Variants in CHD9 observed in about 807,000 individuals in gnomAD.
The protein encoded by CHD9 is chromodomain helicase DNA binding protein 9.
CHD9 carries 77 observed loss-of-function variants against 316.1 expected under a neutral mutation model. The ratio of observed to expected loss-of-function variants is 0.24; its 90% CI spans 0.20 to 0.29. The LOEUF is 0.29. Ranked by LOEUF, CHD9 falls within the 10% of genes least tolerant of loss-of-function variation. CHD9 has a pLI of 1.00. For synonymous variants in CHD9, 1,129 were observed against 1,158.3 expected, an observed-to-expected ratio of 0.97 and a Z score of 0.51; for missense variants, 2,763 against 3,438.1, an observed-to-expected ratio of 0.80 and a Z score of 4.91.
intron 10 of CHD9, among the ~76,000 whole-genome samples, chr16:53,234,011 A>G (rs375163462): frequency 2.0e-5 from 3 of 152,288 alleles, no homozygotes; most frequent in South Asian, 4.1e-4. Flanking sequence ...TATGTCTTAT[A>G]TATCTATATA....
chr16:53,245,551 A>G lies in CHD9; in HGVS notation c.3199-44A>G. 3 of 1,535,370 alleles carry G rather than the reference A, an allele frequency of 2.0e-6. No homozygotes were observed. Among genetic ancestry groups the G allele is most frequent in the Non-Finnish European group, 2.6e-6 (3 of 1,145,508 alleles). Reference sequence around the variant, plus strand: ...TGTAATTATTTTGTATGTGTAATTAAATGCTCACTTATGTTATATGTCTTT... The same window carrying G: ...TGTAATTATTTTGTATGTGTAATTAGATGCTCACTTATGTTATATGTCTTT... On this transcript the variant is annotated intron_variant, in intron 14 of 38. Coordinates refer to ENST00000447540, the MANE Select transcript of CHD9 (RefSeq NM_001308319.2). The surrounding 1 kb of genome is among the most constrained non-coding windows in gnomAD (Gnocchi z 4.1).
Position 53,058,411 on chromosome 16 carries a change from A to C in CHD9, c.-165+3334A>C, listed in dbSNP as rs566229388. Among the ~76,000 whole-genome samples the C allele has an allele frequency of 9.3e-4, 142 of 152,328 alleles. 2 individuals carry two copies. The highest frequency in any genetic ancestry group is 3.3e-3 in the African/African-American group (137 of 41,582). ...TAGGATTACAGGCTCAAGCCACAGC[A>C]CCTGGCCTATAAGGTATCTTTAAAC... is the stretch of plus-strand genomic sequence containing the variant. On this transcript the variant is annotated intron_variant, in intron 1 of 38. Coordinates refer to ENST00000447540, the MANE Select transcript of CHD9 (RefSeq NM_001308319.2).
intron 4 of CHD9, among the ~76,000 whole-genome samples, chr16:53,223,095 T>C (rs1372935511): frequency 6.6e-6 from 1 of 152,198 alleles, no homozygotes; most frequent in Non-Finnish European, 1.5e-5. Flanking sequence ...ATGAACGTGA[T>C]GGACATAGTA....
Position 53,326,870 on chromosome 16 carries a change from T to TA in CHD9, c.*1989dup, listed in dbSNP as rs57955308. 616 of 135,134 alleles carry TA rather than the reference T, an allele frequency of 4.6e-3. 2 individuals carry two copies. The highest frequency in any genetic ancestry group is 8.3e-3 in the Admixed American group (110 of 13,246). 8.4% of individuals were successfully genotyped at this position (135,134 alleles called of 1,614,324 possible). On this transcript the variant is annotated 3_prime_UTR_variant, in exon 39 of 39. Coordinates refer to ENST00000447540, the MANE Select transcript of CHD9 (RefSeq NM_001308319.2). ...ATCTTTATTCCTTCCTTTCGCCAAT[T>TA]AAAAAAAAAAAAAAGGAAAAAAAAT...
intron 1 of CHD9, among the ~76,000 whole-genome samples, chr16:53,142,925 A>T (rs556479524): frequency 6.6e-6 from 1 of 152,314 alleles, no homozygotes; most frequent in East Asian, 1.9e-4. Flanking sequence ...CATTCACAAG[A>T]AGGCCCTCTG....
At chr16:53,239,543 T>C (rs1281276432) in intron 12 of CHD9, among the ~76,000 whole-genome samples, 1 of 152,170 alleles carries the variant, frequency 6.6e-6, no homozygotes, top group African/African-American at 2.4e-5. Context: ...AACTGTACTT[T>C]TTAAATGGAA....
At chr16:53,198,358 C>T (rs1309799238) in intron 2 of CHD9, among the ~76,000 whole-genome samples, 1 of 134,382 alleles carries the variant, frequency 7.4e-6, no homozygotes, top group East Asian at 2.3e-4. Context: ...CTCGCTCTAT[C>T]GCCAGGCTAG....
At chr16:53,070,217 T>A (rs894518892) in intron 1 of CHD9, among the ~76,000 whole-genome samples, 2 of 152,178 alleles carry the variant, frequency 1.3e-5, no homozygotes, top group African/African-American at 4.8e-5. Flanking sequence ...TTTAGTCTGT[T>A]AATTATGTCC....
chr16:53,251,856 T>C (rs1336794590), intron 17 of CHD9, among the ~76,000 whole-genome samples: 1 of 151,800 alleles, frequency 6.6e-6, no homozygotes, highest in African/African-American at 2.4e-5. Context: ...CCTTGGGTGG[T>C]TTTTTTTCCC....
At chr16:53,110,901 A>C (rs1212860020) in intron 1 of CHD9, among the ~76,000 whole-genome samples, 1 of 152,222 alleles carries the variant, frequency 6.6e-6, no homozygotes, top group African/African-American at 2.4e-5. Flanking sequence ...TGGGTGCAGC[A>C]TGGAACATGA....
intron 2 of CHD9, among the ~76,000 whole-genome samples, chr16:53,191,269 A>C (rs1325714327): frequency 6.6e-6 from 1 of 152,044 alleles, no homozygotes; most frequent in Non-Finnish European, 1.5e-5. Context: ...CTCATGTATC[A>C]GTTCATTTCT....
intron 1 of CHD9, among the ~76,000 whole-genome samples, chr16:53,071,622 G>GGCA (rs1474340464): frequency 6.6e-6 from 1 of 152,180 alleles, no homozygotes; most frequent in Non-Finnish European, 1.5e-5. Context: ...TGCCTTTAAA[G>GGCA]CCTCAGGCTA....
At chr16:53,093,560 G>C (rs968505604) in intron 1 of CHD9, among the ~76,000 whole-genome samples, 1 of 152,130 alleles carries the variant, frequency 6.6e-6, no homozygotes, top group African/African-American at 2.4e-5. Flanking sequence ...AGTCATACAA[G>C]GTTCCTGCCT....
At chr16:53,129,956 T>C (rs774935383) in intron 1 of CHD9, among the ~76,000 whole-genome samples, 3 of 152,144 alleles carry the variant, frequency 2.0e-5, no homozygotes, top group Non-Finnish European at 4.4e-5. Flanking sequence ...TCGTGAAGGA[T>C]CGAGAGGGAA....
chr16:53,307,991 T>C lies in CHD9; in HGVS notation c.7053+38T>C, dbSNP rs2056136949. Reference sequence around the variant, plus strand: ...TTATTGCCCTAGGGCCTGATTGCGATTGCGGTGTGCAGCATGCTTTTCCTG... The same window carrying C: ...TTATTGCCCTAGGGCCTGATTGCGACTGCGGTGTGCAGCATGCTTTTCCTG... On this transcript the variant is annotated intron_variant, in intron 33 of 38. Coordinates refer to ENST00000447540, the MANE Select transcript of CHD9 (RefSeq NM_001308319.2). The C allele has an allele frequency of 2.0e-6, 3 of 1,533,948 alleles. No homozygotes were observed. In the Middle Eastern group the frequency reaches 5.1e-4, roughly 260 times the overall value.
At chr16:53,264,925 T>C (rs1234485287) in intron 20 of CHD9, among the ~76,000 whole-genome samples, 1 of 152,178 alleles carries the variant, frequency 6.6e-6, no homozygotes, top group African/African-American at 2.4e-5. Flanking sequence ...ATGGGCCAAA[T>C]CAACAGGGCT....
chr16:53,124,191 T>G (rs1000076088), intron 1 of CHD9, among the ~76,000 whole-genome samples: 1 of 152,242 alleles, frequency 6.6e-6, no homozygotes, highest in Non-Finnish European at 1.5e-5. Flanking sequence ...CCACCAGCAG[T>G]GTACCAGGGT....
chr16:53,247,482 A>G lies in CHD9; in HGVS notation c.3644A>G (p.Glu1215Gly). 1 of 1,601,350 alleles carries G rather than the reference A, an allele frequency of 6.2e-7. No homozygotes were observed. Among genetic ancestry groups the G allele is most frequent in the Non-Finnish European group, 8.5e-7 (1 of 1,172,982 alleles). The change falls in exon 16 of 39, where the codon GAG (glutamate) becomes GGG (glycine). Residue 1215 changes from glutamate to glycine, a missense_variant. Glu to Gly is a moderately conservative substitution (Grantham distance 98, BLOSUM62 -2). Around this residue, in one of 15 missense-constraint regions of CHD9, gnomAD observed 155 missense variants for 291.8 expected, o/e 0.53. Transcript: ENST00000447540. ...ATGGTTCGTTGCCTTGACATTCTGG[A>G]GGACTATCTCATACATAAAAGGTAA... ...SQMVRCLDIL[E>G]DYLIHKRYLY...
rs1241730085 is a variant in CHD9 at position 53,157,465 on chromosome 16, A to G, written c.1376A>G (p.Gln459Arg). 1 of 1,613,970 alleles carries G rather than the reference A, an allele frequency of 6.2e-7. No homozygotes were observed. Among genetic ancestry groups the G allele is most frequent in the South Asian group, 1.1e-5 (1 of 91,082 alleles). Reference protein sequence around the residue: ...SDMAQTQLQSQARSWHSSFSN... With the variant: ...SDMAQTQLQSRARSWHSSFSN... ...ATGGCTCAGACTCAGTTGCAAAGTC[A>G]GGCTCGGAGTTGGCATTCATCATTT... The change falls in exon 2 of 39, where the codon CAG (glutamine) becomes CGG (arginine). Residue 459 changes from glutamine to arginine, a missense_variant. Coordinates refer to ENST00000447540, the MANE Select transcript of CHD9 (RefSeq NM_001308319.2).
Sources: gnomAD v4.1 joint callset for allele counts (sites outside exome capture counted in the v4.1 genomes callset) on GRCh38, gnomAD v4.1.1 for gene constraint, gnomAD v4.1.1 regional missense constraint, Gnocchi (gnomAD v3.1) non-coding constraint, MANE v1.5 for transcripts, NCBI Gene and HGNC (gene_info 2026-07-23, HGNC 2026-07-21) for gene names.